The following DST variants were observed in gnomAD, a reference collection of about 807,000 sequenced individuals.
DST encodes the protein bullous pemphigoid antigen.
A neutral mutation model predicts 875.2 loss-of-function variants in DST; 253 were observed. That is an observed-to-expected ratio of 0.29 (90% CI 0.26 to 0.32). DST has a LOEUF of 0.32. Ranked by LOEUF, DST falls within the 10% of genes least tolerant of loss-of-function variation. DST has a pLI of 1.00. For missense variants in DST, 8,287 were observed against 9,111.6 expected (o/e 0.91, Z 3.68); for synonymous variants, 3,124 against 3,197.1 (o/e 0.98, Z 0.77).
At chr6:56,585,009 A>G (rs1225050499) in intron 49 of DST, among the ~76,000 whole-genome samples, 1 of 151,694 alleles carries the variant, frequency 6.6e-6, no homozygotes. Context: ...TATTTTATTG[A>G]GGATTTTTGC....
chr6:56,824,622 C>T (rs1029963037), intron 4 of DST, among the ~76,000 whole-genome samples: 37 of 152,152 alleles, frequency 2.4e-4, no homozygotes, highest in African/African-American at 7.5e-4. Context: ...CCCGCTGCCC[C>T]GTCTGGGATG....
chr6:56,762,896 G>A (rs1340586634), intron 4 of DST, among the ~76,000 whole-genome samples: 2 of 142,072 alleles, frequency 1.4e-5, no homozygotes, highest in South Asian at 4.4e-4. Flanking sequence ...TGTTGCCCAG[G>A]CTGGAGTGCA....
intron 4 of DST, among the ~76,000 whole-genome samples, chr6:56,782,764 A>G (rs1370357551): frequency 6.6e-6 from 1 of 152,060 alleles, no homozygotes; most frequent in African/African-American, 2.4e-5. Context: ...GCCTTCTGTT[A>G]GCTTTTGAAT....
intron 98 of DST, chr6:56,467,364 C>G (rs1275969972): frequency 6.6e-6 from 1 of 152,066 alleles, no homozygotes; most frequent in Non-Finnish European, 1.5e-5. Context: ...GATCCTAAAA[C>G]TCAGAAGGAC....
intron 3 of DST, among the ~76,000 whole-genome samples, chr6:56,893,565 T>TAAGGAATC (rs1562313463): frequency 2.3e-4 from 25 of 107,540 alleles, no homozygotes; most frequent in African/African-American, 3.9e-4. Flanking sequence ...TTTAGTTCTT[T>TAAGGAATC]TTTTTTTTTT....
intron 4 of DST, among the ~76,000 whole-genome samples, chr6:56,804,762 A>C (rs2099751186): frequency 6.6e-6 from 1 of 152,170 alleles, no homozygotes; most frequent in Admixed American, 6.5e-5. Context: ...TCCCTTACAT[A>C]CAAGAACACT....
intron 2 of DST, among the ~76,000 whole-genome samples, chr6:56,904,920 G>T (rs979677535): frequency 6.6e-6 from 1 of 152,208 alleles, no homozygotes; most frequent in South Asian, 2.1e-4. Flanking sequence ...CTCCTGAGTA[G>T]CTGGGATTAC....
intron 2 of DST, among the ~76,000 whole-genome samples, chr6:56,913,470 T>C (rs971790200): frequency 2.0e-4 from 31 of 152,200 alleles, no homozygotes; most frequent in African/African-American, 6.5e-4. Context: ...CAAAGTTTCA[T>C]TGGAACACAG....
intron 5 of DST, among the ~76,000 whole-genome samples, chr6:56,718,494 T>G (rs2152905166): frequency 6.6e-6 from 1 of 152,314 alleles, no homozygotes; most frequent in African/African-American, 2.4e-5. Context: ...GGAAAATAGT[T>G]TGGAGGTTTC....
rs779381862 is a variant in DST at position 56,569,950 on chromosome 6, A to C, written c.13784T>G (p.Leu4595Trp). The C allele has an allele frequency of 6.2e-7, 1 of 1,609,850 alleles. No individual in the cohort carries two copies. The highest frequency in any genetic ancestry group is 1.7e-5 in the Admixed American group (1 of 59,478). ...TGTTGTTTCTTTTATCCATGACTTC[A>C]ATGATTTAACAAGAACTTGGAAAGC... ...LDAFQVLVKS[L>W]KSWIKETTKK... Residue 4595 changes from leucine to tryptophan, a missense_variant, in exon 54 of 104, where the codon TTG becomes TGG. Leu to Trp is a moderately conservative substitution (Grantham distance 61). Coordinates refer to ENST00000680361, the MANE Select transcript of DST (RefSeq NM_001374736.1).
rs145408344 is a variant in DST at position 56,653,651 on chromosome 6, C to T, written c.1215-2407G>A. On this transcript the variant is annotated intron_variant, in intron 10 of 103. Transcript: ENST00000680361. ...AGTGAGCCGAGATCATGCCACTGCA[C>T]TCCAGCCTGGACAACAAGAGCGAAA... Among the ~76,000 whole-genome samples the T allele has an allele frequency of 5.9e-3, 891 of 152,302 alleles. 4 individuals carry two copies. Among genetic ancestry groups the T allele is most frequent in the African/African-American group, 0.02 (849 of 41,554 alleles).
At chr6:56,616,087 G>T in intron 36 of DST, 5 of 1,614,156 alleles carry the variant, frequency 3.1e-6, no homozygotes, top group Non-Finnish European at 4.2e-6. Flanking sequence ...TTAGTACAGA[G>T]ATCCTTTCCC....
intron 4 of DST, among the ~76,000 whole-genome samples, chr6:56,758,860 A>G (rs1416069098): frequency 6.6e-6 from 1 of 152,218 alleles, no homozygotes; most frequent in Non-Finnish European, 1.5e-5. Flanking sequence ...ATAACCATGA[A>G]AGTCATGTGG....
At position 56,572,085 on chromosome 6, in the gene DST, T is replaced by C; in HGVS notation, c.13721+15A>G. The C allele has an allele frequency of 7.3e-7, 1 of 1,369,568 alleles. No homozygotes were observed. The highest frequency in any genetic ancestry group is 9.7e-7 in the Non-Finnish European group (1 of 1,029,366). 84.8% of individuals were successfully genotyped at this position (1,369,568 alleles called of 1,614,324 possible). A position where few individuals can be genotyped will look rare whatever the true frequency, so the allele number is the denominator to read the frequency against. On this transcript the variant is annotated intron_variant, in intron 53 of 103. Coordinates refer to ENST00000680361, the MANE Select transcript of DST (RefSeq NM_001374736.1). The stretch of plus-strand genomic sequence containing the variant: ...TATAAATAGAATAAAATATAATTTT[T>C]AAAGTGGTACTTACTTTTCTTTGAT...
At chr6:56,737,597 G>A (rs1322775009) in intron 4 of DST, among the ~76,000 whole-genome samples, 5 of 152,122 alleles carry the variant, frequency 3.3e-5, no homozygotes, top group African/African-American at 7.2e-5. Flanking sequence ...TAATCATCAC[G>A]GAAATTCCTA....
At chr6:56,618,235 T>G (rs2098648709) in intron 36 of DST, 1 of 1,614,156 alleles carries the variant, frequency 6.2e-7, no homozygotes, top group Non-Finnish European at 8.5e-7. Flanking sequence ...CTTCTTTGGG[T>G]ATCTGTTCAA....
At chr6:56,715,324 A>G (rs2099391087) in intron 5 of DST, among the ~76,000 whole-genome samples, 1 of 152,216 alleles carries the variant, frequency 6.6e-6, no homozygotes, top group African/African-American at 2.4e-5. Flanking sequence ...TTGCTTCTGA[A>G]TGACTAACAC....
intron 10 of DST, among the ~76,000 whole-genome samples, chr6:56,664,793 T>G (rs535821689): frequency 1.3e-5 from 2 of 152,244 alleles, no homozygotes; most frequent in South Asian, 4.1e-4. Context: ...CTAAAAAAAG[T>G]TAAAGTATAC....
chr6:56,591,017 A>T (rs1379044765), intron 49 of DST, among the ~76,000 whole-genome samples: 1 of 152,240 alleles, frequency 6.6e-6, no homozygotes, highest in East Asian at 1.9e-4. Context: ...CTTCTGAAAG[A>T]CAGCTGTCTA....
Sources: allele counts gnomAD v4.1 joint callset (sites outside exome capture counted in the v4.1 genomes callset), GRCh38; gene constraint gnomAD v4.1.1; transcripts MANE v1.5; gene names NCBI Gene and HGNC (gene_info 2026-07-23, HGNC 2026-07-21).